The following NEK1 variants were observed in gnomAD, a reference collection of about 807,000 sequenced individuals.
NEK1 encodes the protein NIMA related kinase 1, also known as serine/threonine-protein kinase Nek1.
Under a neutral mutation model 182.1 loss-of-function variants are expected in NEK1, and 137 were observed. That is an observed-to-expected ratio of 0.75 (90% CI 0.65 to 0.87). The LOEUF (loss-of-function observed/expected upper bound fraction) is 0.87, where lower values mean the gene tolerates loss of function less well. NEK1 is among the 40% of genes least tolerant of loss of function. The pLI is 0.00. For synonymous variants in NEK1, 513 were observed against 492.2 expected (o/e 1.04, Z -0.56); for missense variants, 1,391 against 1,494.4 (o/e 0.93, Z 1.14).
intron 31 of NEK1, among the ~76,000 whole-genome samples, chr4:169,412,384 A>T (rs967766733): frequency 2.6e-5 from 4 of 152,212 alleles, no homozygotes; most frequent in Non-Finnish European, 4.4e-5. Flanking sequence ...GTGTTTCCCT[A>T]GACTGATTTC....
chr4:169,608,489 T>C (rs548204485), intron 2 of NEK1, among the ~76,000 whole-genome samples: 7 of 152,198 alleles, frequency 4.6e-5, no homozygotes, highest in African/African-American at 1.2e-4. Flanking sequence ...AGTAATAAAA[T>C]AAAACATGGG....
chr4:169,503,160 C>T (rs1014018479), intron 23 of NEK1, among the ~76,000 whole-genome samples: 1 of 152,002 alleles, frequency 6.6e-6, no homozygotes, highest in African/African-American at 2.4e-5. Flanking sequence ...CTGAGGAATA[C>T]ATTTACCCAA....
intron 23 of NEK1, among the ~76,000 whole-genome samples, chr4:169,485,234 A>C (rs1280537552): frequency 1.3e-5 from 2 of 152,236 alleles, no homozygotes; most frequent in Non-Finnish European, 2.9e-5. Flanking sequence ...AAGAACCTAA[A>C]CAGACAAATT....
intron 32 of NEK1, 95 bp from the exon 33 acceptor site, chr4:169,401,955 C>T: frequency 9.7e-7 from 1 of 1,031,994 alleles, no homozygotes; most frequent in South Asian, 1.8e-5. Flanking sequence ...TTTACTTCTA[C>T]TCAATACGTA....
In NEK1 at chr4:169,602,398, G is replaced by C; in HGVS notation, c.117+116C>G. 6.1e-6 allele frequency: 4 copies of C among 658,048 alleles called. No homozygotes were observed. In the East Asian group the frequency reaches 1.1e-4, roughly 18 times the overall value. 40.8% of individuals were successfully genotyped at this position (658,048 alleles called of 1,614,324 possible). ...TATTCTGATATTAGCGGGAATAAAGGAGTCTTTTGCTTTAGGTTATCGATT... is the reference window on the plus strand; with the variant it reads ...TATTCTGATATTAGCGGGAATAAAGCAGTCTTTTGCTTTAGGTTATCGATT... On this transcript the variant is annotated intron_variant, in intron 3 of 35. Transcript: ENST00000507142.
At chr4:169,532,917 A>T (rs1002500362) in intron 19 of NEK1, among the ~76,000 whole-genome samples, 4 of 151,980 alleles carry the variant, frequency 2.6e-5, no homozygotes, top group African/African-American at 9.7e-5. Context: ...GAGTCCCTGT[A>T]GAAAGAAAGG....
At chr4:169,450,370 A>G (rs191162515) in intron 27 of NEK1, among the ~76,000 whole-genome samples, 2 of 152,158 alleles carry the variant, frequency 1.3e-5, no homozygotes, top group Admixed American at 6.5e-5. Flanking sequence ...CCCAAGACAC[A>G]TAATTGTCAG....
intron 23 of NEK1, among the ~76,000 whole-genome samples, chr4:169,501,129 A>G (rs1403837960): frequency 6.6e-6 from 1 of 152,208 alleles, no homozygotes; most frequent in African/African-American, 2.4e-5. Flanking sequence ...ACAGACTTTA[A>G]ATCAACAACA....
chr4:169,464,993 T>A (rs1373488688), intron 26 of NEK1, among the ~76,000 whole-genome samples: 1 of 152,032 alleles, frequency 6.6e-6, no homozygotes, highest in Non-Finnish European at 1.5e-5. Context: ...TACCTAGTAG[T>A]AACATACAGG....
At chr4:169,410,676 G>A (rs540566535) in intron 31 of NEK1, among the ~76,000 whole-genome samples, 25 of 152,194 alleles carry the variant, frequency 1.6e-4, no homozygotes, top group African/African-American at 4.8e-4. Context: ...CAAAAATTAC[G>A]GACATTATCT....
intron 18 of NEK1, among the ~76,000 whole-genome samples, chr4:169,544,436 G>T (rs1460699592): frequency 2.0e-5 from 3 of 151,876 alleles, no homozygotes; most frequent in Non-Finnish European, 4.4e-5. Context: ...CTCTTTTTTT[G>T]CTGTGTCTCT....
At chr4:169,541,294 A>G (rs1453717218) in intron 18 of NEK1, among the ~76,000 whole-genome samples, 1 of 152,184 alleles carries the variant, frequency 6.6e-6, no homozygotes, top group Non-Finnish European at 1.5e-5. Context: ...TGGAAAAAGT[A>G]AAAGCACCAT....
chr4:169,508,210 TC>T, intron 21 of NEK1, 37 bp downstream of exon 21: 1 of 1,509,692 alleles, frequency 6.6e-7, no homozygotes, highest in Non-Finnish European at 9.0e-7. Context: ...TACTATGACA[TC>T]ATTCAATTTC....
chr4:169,411,548 A>G (rs1464468876), intron 31 of NEK1, among the ~76,000 whole-genome samples: 1 of 150,650 alleles, frequency 6.6e-6, no homozygotes, highest in East Asian at 2.0e-4. Flanking sequence ...CTGGTCTCAA[A>G]CTCCTGACCT....
intron 12 of NEK1, among the ~76,000 whole-genome samples, chr4:169,568,601 T>C (rs1764098185): frequency 6.6e-6 from 1 of 152,042 alleles, no homozygotes; most frequent in Admixed American, 6.5e-5. Flanking sequence ...ATCTATAAAC[T>C]TTCTGAGCTA....
At chr4:169,401,391 T>C (rs532642659) in intron 33 of NEK1, among the ~76,000 whole-genome samples, 1 of 151,804 alleles carries the variant, frequency 6.6e-6, no homozygotes, top group African/African-American at 2.4e-5. Context: ...ACTGGAAAAA[T>C]CAGTCAATAA....
Position 169,394,459 on chromosome 4 carries a change from G to A in NEK1, c.*51C>T. The A allele has an allele frequency of 5.0e-6, 6 of 1,191,118 alleles. No homozygotes were observed. Among genetic ancestry groups the A allele is most frequent in the Non-Finnish European group, 7.3e-6 (6 of 823,234 alleles). 73.8% of individuals were successfully genotyped at this position (1,191,118 alleles called of 1,614,324 possible). On this transcript the variant is annotated 3_prime_UTR_variant, in exon 36 of 36. Transcript: ENST00000507142. Reference sequence around the variant, plus strand: ...CCACTGAAGCTTGTTATTCTGATAAGCCAAATTCAAATGCTTTCATATAGT... The same window carrying A: ...CCACTGAAGCTTGTTATTCTGATAAACCAAATTCAAATGCTTTCATATAGT...
intron 27 of NEK1, among the ~76,000 whole-genome samples, chr4:169,444,131 C>T (rs1740051453): frequency 6.6e-6 from 1 of 151,894 alleles, no homozygotes; most frequent in South Asian, 2.1e-4. Flanking sequence ...AGCACATTCA[C>T]AAACAAAAGA....
rs1055638380 is a variant in NEK1, at chr4:169,612,558, G to C, written c.-509C>G. On this transcript the variant is annotated 5_prime_UTR_variant, in exon 1 of 36. Coordinates refer to ENST00000507142, the MANE Select transcript of NEK1 (RefSeq NM_001199397.3). ...GGTAGGGTAAGGACTCCGCAACCTA[G>C]GGTCCCAAAACCCTGGAGCGAATGC... 6.6e-6 allele frequency: 1 copy of C among 152,162 alleles called. No homozygotes were observed. The highest frequency in any genetic ancestry group is 1.9e-4 in the East Asian group (1 of 5,178). The allele number at this position is 152,162 out of a possible 1,614,324, so 9.4% of individuals were successfully genotyped here.
Sources: gnomAD v4.1 joint callset for allele counts (sites outside exome capture counted in the v4.1 genomes callset) on GRCh38, gnomAD v4.1.1 for gene constraint, MANE v1.5 for transcripts, NCBI Gene and HGNC (gene_info 2026-07-23, HGNC 2026-07-21) for gene names.